The following TUBGCP3 variants were observed in gnomAD, a reference collection of about 807,000 sequenced individuals.
The protein encoded by TUBGCP3 is tubulin gamma complex component 3, also known as gamma-tubulin complex component 3.
Under a neutral mutation model 123.1 loss-of-function variants are expected in TUBGCP3, and 50 were observed. The ratio of observed to expected loss-of-function variants is 0.41; its 90% CI spans 0.32 to 0.51. TUBGCP3 has a LOEUF of 0.51. Ranked by LOEUF, TUBGCP3 falls within the 20% of genes least tolerant of loss-of-function variation. The pLI, the probability that TUBGCP3 is intolerant of heterozygous loss-of-function variation, is 0.36. For missense variants in TUBGCP3, 882 were observed against 1,127.0 expected (o/e 0.78, Z 3.11); for synonymous variants, 405 against 413.9 (o/e 0.98, Z 0.26).
At chr13:112,576,560 A>C (rs1881826677) in intron 1 of TUBGCP3, among the ~76,000 whole-genome samples, 1 of 152,210 alleles carries the variant, frequency 6.6e-6, no homozygotes, top group Admixed American at 6.5e-5. Context: ...GATTAGCTTC[A>C]CTGTGGTAAT....
intron 9 of TUBGCP3, 142 bp from the exon 10 acceptor site, chr13:112,547,894 T>G: frequency 1.8e-6 from 2 of 1,130,666 alleles, no homozygotes; most frequent in Non-Finnish European, 2.3e-6. Context: ...AATAGTATTT[T>G]AAAGCTACCT....
intron 17 of TUBGCP3, among the ~76,000 whole-genome samples, chr13:112,510,713 G>A (rs1881623377): frequency 6.6e-6 from 1 of 152,132 alleles, no homozygotes; most frequent in African/African-American, 2.4e-5. Context: ...AGGAAACTGA[G>A]GCAGAAGATC....
At chr13:112,529,327 T>C (rs373640803) in intron 11 of TUBGCP3, among the ~76,000 whole-genome samples, 4 of 152,222 alleles carry the variant, frequency 2.6e-5, no homozygotes, top group East Asian at 3.8e-4. Context: ...TCATCAGGAA[T>C]TGTTAATATC....
At chr13:112,532,080 C>T (rs777933691) in intron 11 of TUBGCP3, among the ~76,000 whole-genome samples, 6 of 152,092 alleles carry the variant, frequency 3.9e-5, no homozygotes, top group Non-Finnish European at 8.8e-5. Flanking sequence ...TAAAAAATTC[C>T]AACTTCAACT....
chr13:112,507,079 A>G (rs1211403099), intron 17 of TUBGCP3, among the ~76,000 whole-genome samples: 2 of 152,254 alleles, frequency 1.3e-5, no homozygotes, highest in Non-Finnish European at 1.5e-5. Context: ...ATTTCTTTCC[A>G]GTGCAGCAAA....
At chr13:112,531,955 T>A (rs926259038) in intron 11 of TUBGCP3, among the ~76,000 whole-genome samples, 1 of 152,232 alleles carries the variant, frequency 6.6e-6, no homozygotes, top group Non-Finnish European at 1.5e-5. Flanking sequence ...AATTGTACCA[T>A]GATTTCTCAT....
chr13:112,571,776 T>A (rs9577815), intron 1 of TUBGCP3, among the ~76,000 whole-genome samples: 23,990 of 152,248 alleles, frequency 0.16, 2,152 homozygotes, highest in East Asian at 0.21. Context: ...TCTCAGCTAG[T>A]TCTGGATGAC....
At chr13:112,559,175 A>T in intron 4 of TUBGCP3, 147 bp downstream of exon 4, 1 of 621,554 alleles carries the variant, frequency 1.6e-6, no homozygotes, top group Non-Finnish European at 2.6e-6. Flanking sequence ...CCTTAAAAAG[A>T]AAAAGGAAAA....
rs71131496 is a variant in TUBGCP3, at chr13:112,578,558, C to CAAAAA, written c.77-9304_77-9300dup. ...TGGGCGAAAGAGTGAGACTCCGTCTCAAAAAAAAAAAAAAAAAAAAAAAAA... is the reference window on the plus strand; with the variant it reads ...TGGGCGAAAGAGTGAGACTCCGTCTCAAAAAAAAAAAAAAAAAAAAAAAAAAAAAA... On this transcript the variant is annotated intron_variant, in intron 1 of 21. Coordinates refer to ENST00000261965, the MANE Select transcript of TUBGCP3 (RefSeq NM_006322.6). 2.5e-3 allele frequency among the ~76,000 whole-genome samples: 63 copies of CAAAAA among 24,908 alleles called. 3 individuals carry two copies. The highest frequency in any genetic ancestry group is 7.9e-3 in the African/African-American group (53 of 6,750). 16.3% of individuals were successfully genotyped at this position (24,908 alleles called of 152,430 possible).
At position 112,488,196 on chromosome 13, in the gene TUBGCP3, G is replaced by A. The variant is rs116302627; in HGVS notation, c.2565+1385C>T. Among the ~76,000 whole-genome samples the A allele has an allele frequency of 3.8e-3, 574 of 150,464 alleles. 6 individuals are homozygous for A. Among genetic ancestry groups the A allele is most frequent in the African/African-American group, 0.012 (498 of 40,838 alleles). On this transcript the variant is annotated intron_variant, in intron 21 of 21. Coordinates refer to ENST00000261965, the MANE Select transcript of TUBGCP3 (RefSeq NM_006322.6). ...CAAACTAGATGCCCACAGAAAGAGC[G>A]AGTGCGGTCTCACTTTCAATTTTGA...
In TUBGCP3 at chr13:112,486,146, G is replaced by A. The variant is rs148260525; in HGVS notation, c.2571C>T (p.Ile857=). The part of the protein sequence containing the change: ...LRILTHFYQG[I]VQQFLVLLTT... ...TCAGTAACACCAAAAACTGCTGCAC[G>A]ATACCCTAAAAAGAAGCAAAAGGAG... The change falls in exon 22 of 22, where the codon ATC becomes ATT. Residue 857 remains isoleucine, a synonymous_variant. Transcript: ENST00000261965. 322 of 1,608,596 alleles carry A rather than the reference G, an allele frequency of 2.0e-4. No individual in the cohort carries two copies. The African/African-American group carries it at 2.2e-3, about 11-fold the overall frequency.
chr13:112,544,259 C>T (rs1267220168), intron 11 of TUBGCP3, among the ~76,000 whole-genome samples: 1 of 151,978 alleles, frequency 6.6e-6, no homozygotes, highest in Non-Finnish European at 1.5e-5. Flanking sequence ...CGAGACCATC[C>T]TGGCTAACAC....
At chr13:112,585,341 T>C (rs1882534358) in intron 1 of TUBGCP3, among the ~76,000 whole-genome samples, 2 of 152,274 alleles carry the variant, frequency 1.3e-5, no homozygotes, top group African/African-American at 4.8e-5. Flanking sequence ...CAAGGTAAGC[T>C]ACTATTTATA....
intron 16 of TUBGCP3, among the ~76,000 whole-genome samples, chr13:112,517,574 G>A (rs1222535122): frequency 6.6e-6 from 1 of 152,168 alleles, no homozygotes; most frequent in Non-Finnish European, 1.5e-5. Context: ...TAACAAGGCA[G>A]GAGATATGAA....
chr13:112,494,545 T>C (rs374659649), intron 20 of TUBGCP3, among the ~76,000 whole-genome samples: 2 of 152,254 alleles, frequency 1.3e-5, no homozygotes, highest in African/African-American at 4.8e-5. Context: ...CTTCTGGACC[T>C]TACCCTGTTC....
intron 11 of TUBGCP3, among the ~76,000 whole-genome samples, chr13:112,542,860 G>C (rs1441839304): frequency 1.3e-5 from 2 of 152,154 alleles, no homozygotes; most frequent in African/African-American, 4.8e-5. Context: ...GAGCTTAAGA[G>C]TGTAGGGCCA....
intron 19 of TUBGCP3, among the ~76,000 whole-genome samples, chr13:112,501,596 A>C (rs9550118): frequency 0.25 from 38,319 of 152,200 alleles, 5,598 homozygotes; most frequent in African/African-American, 0.39. Flanking sequence ...AGTGAGTGAC[A>C]TAATAAAAAT....
At chr13:112,533,654 G>A (rs1381113167) in intron 11 of TUBGCP3, among the ~76,000 whole-genome samples, 2 of 151,660 alleles carry the variant, frequency 1.3e-5, no homozygotes, top group Non-Finnish European at 2.9e-5. Flanking sequence ...TTGAGCTGTT[G>A]CAGGTGCTTT....
chr13:112,492,330 ACTTTTGT>A (rs1318660450), intron 20 of TUBGCP3, among the ~76,000 whole-genome samples: 3 of 151,950 alleles, frequency 2.0e-5, no homozygotes, highest in African/African-American at 7.3e-5. Context: ...TTCCCCACCA[ACTTTTGT>A]CTTTTATTTC....
Sources: allele counts gnomAD v4.1 joint callset (sites outside exome capture counted in the v4.1 genomes callset), GRCh38; gene constraint gnomAD v4.1.1; transcripts MANE v1.5; gene names NCBI Gene and HGNC (gene_info 2026-07-23, HGNC 2026-07-21).